The following FAF1 variants were observed in gnomAD, a reference collection of about 807,000 sequenced individuals.
The protein encoded by FAF1 is FAS-associated factor 1.
A neutral mutation model predicts 92.5 loss-of-function variants in FAF1; 25 were observed. The observed-to-expected ratio is 0.27, with a 90% confidence interval of 0.20 to 0.38. The LOEUF is 0.38. FAF1 is among the 10% of genes least tolerant of loss of function. The probability of loss-of-function intolerance (pLI) is 1.00; values close to 1 mark genes in which losing one functional copy is unlikely to be tolerated. For missense variants in FAF1, 636 were observed against 793.3 expected (o/e 0.80, Z 2.38); for synonymous variants, 234 against 273.2 (o/e 0.86, Z 1.42).
In FAF1 at chr1:50,708,548, G is replaced by C. The variant is rs147775908; in HGVS notation, c.552-2657C>G. Among the ~76,000 whole-genome samples, 9 of 152,026 alleles carry C rather than the reference G, an allele frequency of 5.9e-5. No individual in the cohort carries two copies. The East Asian group carries it at 1.7e-3, about 29-fold the overall frequency. On this transcript the variant is annotated intron_variant, in intron 6 of 18. Transcript: ENST00000396153. ...AAAAAAAAAAATGTCATGTAGAGTT[G>C]AATATAAGACTCAAAGGTCAAGTAA...
chr1:50,468,020 G>A (rs888634180), intron 18 of FAF1, among the ~76,000 whole-genome samples: 6 of 152,070 alleles, frequency 3.9e-5, no homozygotes, highest in Non-Finnish European at 8.8e-5. Context: ...ACTAGTCTGG[G>A]CAACATGGCA....
chr1:50,444,448 A>G (rs1646205671), intron 18 of FAF1, among the ~76,000 whole-genome samples: 1 of 152,182 alleles, frequency 6.6e-6, no homozygotes, highest in Non-Finnish European at 1.5e-5. Flanking sequence ...TAAGTAGAAG[A>G]CAGAGCAGAT....
At chr1:50,647,934 CG>C (rs1466043460) in intron 8 of FAF1, among the ~76,000 whole-genome samples, 12 of 152,020 alleles carry the variant, frequency 7.9e-5, no homozygotes, top group Admixed American at 7.2e-4. Flanking sequence ...GAAGGCAGCA[CG>C]GGAAGAAGGG....
intron 4 of FAF1, among the ~76,000 whole-genome samples, chr1:50,770,262 C>T (rs1227676021): frequency 6.6e-6 from 1 of 152,104 alleles, no homozygotes; most frequent in Admixed American, 6.5e-5. Context: ...CCAGAGCAAT[C>T]AGGCAAGAGA....
At chr1:50,548,283 T>C (rs1649130881) in intron 13 of FAF1, among the ~76,000 whole-genome samples, 3 of 152,140 alleles carry the variant, frequency 2.0e-5, no homozygotes, top group Admixed American at 2.0e-4. Context: ...GGGGCCTACA[T>C]TTAGTGGTTC....
At chr1:50,629,326 C>T (rs1653655351) in intron 8 of FAF1, among the ~76,000 whole-genome samples, 1 of 152,102 alleles carries the variant, frequency 6.6e-6, no homozygotes, top group South Asian at 2.1e-4. Flanking sequence ...CATGGCACCA[C>T]GCCCAGCTAA....
rs1275950883 is a variant in FAF1 at position 50,937,423 on chromosome 1, A to C, written c.45+22344T>G. ...CATATGGTGGGGTGGGGCGGGGCGC[A>C]GATTCTGTATAGGTCCAGAGTAAAT... On this transcript the variant is annotated intron_variant, in intron 1 of 18. Transcript: ENST00000396153. 2.0e-5 allele frequency among the ~76,000 whole-genome samples: 3 copies of C among 152,192 alleles called. No individual in the cohort carries two copies. The East Asian group carries it at 5.8e-4, about 29-fold the overall frequency.
chr1:50,912,623 T>C (rs1437622256), intron 1 of FAF1, among the ~76,000 whole-genome samples: 2 of 152,178 alleles, frequency 1.3e-5, no homozygotes, highest in East Asian at 3.8e-4. Flanking sequence ...ATTGGCAGTG[T>C]GTACTCAGAA....
chr1:50,867,094 C>T (rs1023284975), intron 1 of FAF1, among the ~76,000 whole-genome samples: 8 of 152,072 alleles, frequency 5.3e-5, no homozygotes, highest in Non-Finnish European at 1.0e-4. Context: ...GGAAAGAACA[C>T]CCTATTCAAC....
chr1:50,677,071 T>C (rs1656154915), intron 7 of FAF1, among the ~76,000 whole-genome samples: 1 of 152,118 alleles, frequency 6.6e-6, no homozygotes, highest in Non-Finnish European at 1.5e-5. Context: ...CACTTTATAA[T>C]TGAATAAATA....
At chr1:50,871,441 A>G (rs182533236) in intron 1 of FAF1, among the ~76,000 whole-genome samples, 2 of 152,354 alleles carry the variant, frequency 1.3e-5, no homozygotes, top group East Asian at 3.9e-4. Context: ...GGGCAGGCTG[A>G]CTTTCTCATT....
chr1:50,586,034 C>T (rs1226503034), intron 9 of FAF1, among the ~76,000 whole-genome samples: 2 of 151,976 alleles, frequency 1.3e-5, no homozygotes, highest in African/African-American at 4.8e-5. Flanking sequence ...GCCTGAGTGA[C>T]AGAGTGAGAC....
chr1:50,870,854 C>CA (rs1171469170), intron 1 of FAF1, among the ~76,000 whole-genome samples: 2 of 152,126 alleles, frequency 1.3e-5, no homozygotes, highest in Non-Finnish European at 2.9e-5. Flanking sequence ...TCATGTTTCT[C>CA]ATTTTAAATC....
intron 13 of FAF1, among the ~76,000 whole-genome samples, chr1:50,554,192 G>C (rs1649442925): frequency 6.6e-6 from 1 of 150,436 alleles, no homozygotes. Context: ...GCAAGATCAT[G>C]GGAAAAAAAG....
chr1:50,880,631 A>G lies in FAF1; in HGVS notation c.46-22634T>C, dbSNP rs1328612811. 3.3e-5 allele frequency among the ~76,000 whole-genome samples: 5 copies of G among 152,314 alleles called. No homozygotes were observed. The South Asian group carries it at 1.0e-3, about 32-fold the overall frequency. On this transcript the variant is annotated intron_variant, in intron 1 of 18. Coordinates refer to ENST00000396153, the MANE Select transcript of FAF1 (RefSeq NM_007051.3). The stretch of plus-strand genomic sequence containing the variant: ...CCAGGAGGAGCCTTCGCTAGAAATG[A>G]TATCATGTGAAACATTGATCGTGGA...
Position 50,594,928 on chromosome 1 carries a change from T to C in FAF1, c.840+1193A>G, listed in dbSNP as rs926491778. Among the ~76,000 whole-genome samples, 11 of 150,730 alleles carry C rather than the reference T, an allele frequency of 7.3e-5. No homozygotes were observed. The East Asian group carries it at 1.9e-3, about 27-fold the overall frequency. ...TTCTTTAGGCTCACTTAGACCCAAATAGGCACAACACACAAACAAACGTGT... is the reference window on the plus strand; with the variant it reads ...TTCTTTAGGCTCACTTAGACCCAAACAGGCACAACACACAAACAAACGTGT... On this transcript the variant is annotated intron_variant, in intron 9 of 18. Coordinates refer to ENST00000396153, the MANE Select transcript of FAF1 (RefSeq NM_007051.3).
chr1:50,499,644 A>T (rs1357385631), intron 15 of FAF1, among the ~76,000 whole-genome samples: 3 of 152,206 alleles, frequency 2.0e-5, no homozygotes, highest in African/African-American at 4.8e-5. Context: ...TAAGGATTCT[A>T]CCAAAAAGCT....
intron 3 of FAF1, among the ~76,000 whole-genome samples, chr1:50,791,439 A>G (rs1661561362): frequency 6.6e-6 from 1 of 152,220 alleles, no homozygotes; most frequent in Non-Finnish European, 1.5e-5. Flanking sequence ...GTTAGATTCT[A>G]CCAAGAGGAG....
chr1:50,584,876 T>G, intron 9 of FAF1, 65 bp from the exon 10 acceptor site: 1 of 1,431,602 alleles, frequency 7.0e-7, no homozygotes, highest in East Asian at 2.3e-5. Flanking sequence ...AAGAATAAGT[T>G]ATAATAATAA....
Sources: allele counts gnomAD v4.1 joint callset (sites outside exome capture counted in the v4.1 genomes callset), GRCh38; gene constraint gnomAD v4.1.1; transcripts MANE v1.5; gene names NCBI Gene and HGNC (gene_info 2026-07-23, HGNC 2026-07-21).